Variants in ENTPD7 observed in about 807,000 individuals in gnomAD.
The protein encoded by ENTPD7 is ectonucleoside triphosphate diphosphohydrolase 7.
In ENTPD7, 53 loss-of-function variants were observed where a neutral mutation model predicts 77.9. The ratio of observed to expected loss-of-function variants is 0.68; its 90% CI spans 0.55 to 0.85. The LOEUF (loss-of-function observed/expected upper bound fraction) is 0.85, where lower values mean the gene tolerates loss of function less well. Ranked by LOEUF, ENTPD7 falls within the 40% of genes least tolerant of loss-of-function variation. ENTPD7 has a pLI of 0.00. For missense variants in ENTPD7, 636 were observed against 743.7 expected (o/e 0.86, Z 1.68); for synonymous variants, 248 against 274.9 (o/e 0.90, Z 0.97).
chr10:99,694,663 A>G (rs2035942304), intron 8 of ENTPD7, among the ~76,000 whole-genome samples: 1 of 151,244 alleles, frequency 6.6e-6, no homozygotes, highest in South Asian at 2.1e-4. Context: ...CAGCCTCCTG[A>G]GTAGCTGGGA....
At chr10:99,701,167 G>T (rs2036115052) in intron 11 of ENTPD7, 109 bp downstream of exon 11, 10 of 1,003,652 alleles carry the variant, frequency 1.0e-5, no homozygotes, top group Non-Finnish European at 1.5e-5. Context: ...GGGAGCATTT[G>T]ATTATTCCAG....
chr10:99,704,252 G>A (rs1419636812), intron 12 of ENTPD7, among the ~76,000 whole-genome samples, 200 bp from the exon 13 acceptor site: 1 of 152,144 alleles, frequency 6.6e-6, no homozygotes, highest in Non-Finnish European at 1.5e-5. Flanking sequence ...CCCTTCTGGG[G>A]GCCGTGGGAA....
At position 99,679,984 on chromosome 10, in the gene ENTPD7, T is replaced by A. The variant is rs114760624; in HGVS notation, c.548+109T>A. On this transcript the variant is annotated intron_variant, in intron 5 of 12. Coordinates refer to ENST00000370489, the MANE Select transcript of ENTPD7 (RefSeq NM_020354.5). ...CCTGGTCTATACCCCTAAACCCAATTATGACACAATCATTCATTCCCAACT... is the reference window on the plus strand; with the variant it reads ...CCTGGTCTATACCCCTAAACCCAATAATGACACAATCATTCATTCCCAACT... The A allele has an allele frequency of 7.9e-4, 1,020 of 1,284,294 alleles. 4 individuals carry two copies. The African/African-American group carries it at 0.012, about 15-fold the overall frequency. 79.6% of individuals were successfully genotyped at this position (1,284,294 alleles called of 1,614,324 possible). A position where few individuals can be genotyped will look rare whatever the true frequency, so the allele number is the denominator to read the frequency against.
At chr10:99,663,750 C>T (rs1046918951) in intron 3 of ENTPD7, among the ~76,000 whole-genome samples, 11 of 152,026 alleles carry the variant, frequency 7.2e-5, no homozygotes, top group East Asian at 1.9e-4. Flanking sequence ...CATGGGTCAC[C>T]GTGCCCTGCT....
At chr10:99,688,500 T>G (rs2035841147) in intron 6 of ENTPD7, among the ~76,000 whole-genome samples, 194 bp from the exon 7 acceptor site, 1 of 152,214 alleles carries the variant, frequency 6.6e-6, no homozygotes, top group Non-Finnish European at 1.5e-5. Context: ...TGAGGAAATT[T>G]AGAAGATGCA....
At position 99,709,257 on chromosome 10, in the gene ENTPD7, T is replaced by C. The variant is rs149131820; in HGVS notation, c.*4574T>C. On this transcript the variant is annotated 3_prime_UTR_variant, in exon 13 of 13. Coordinates refer to ENST00000370489, the MANE Select transcript of ENTPD7 (RefSeq NM_020354.5). ...TGTTACAGAAACAGAGGGCTGTTTC[T>C]TTTTGTTGTCTTTAAACTTTTCAAA... The C allele has an allele frequency of 4.1e-6, 4 of 985,410 alleles. No individual in the cohort carries two copies. In the East Asian group the frequency reaches 4.5e-4, roughly 112 times the overall value. 61.0% of individuals were successfully genotyped at this position (985,410 alleles called of 1,614,324 possible). A position where few individuals can be genotyped will look rare whatever the true frequency, so the allele number is the denominator to read the frequency against.
chr10:99,691,440 G>A lies in ENTPD7; in HGVS notation c.765G>A (p.Gly255=), dbSNP rs2035881622. 1.2e-6 allele frequency: 2 copies of A among 1,614,110 alleles called. No homozygotes were observed. The highest frequency in any genetic ancestry group is 8.5e-7 in the Non-Finnish European group (1 of 1,179,988). ...ELAAGRRRTV[G]ILDMGGASLQ... is the part of the protein sequence containing the mutation. ...CAGCAGGACGGAGAAGGACAGTAGG[G>A]ATACTGGATATGGGAGGAGCCTCTC... Residue 255 remains glycine, a synonymous_variant, in exon 8 of 13, where the codon GGG becomes GGA. Coordinates refer to ENST00000370489, the MANE Select transcript of ENTPD7 (RefSeq NM_020354.5).
Position 99,691,524 on chromosome 10 carries a change from T to C in ENTPD7, c.843+6T>C. ...CTGTCCTTCCTGCAAAGCAGGTACT[T>C]TACCTTTTAGGGAAATTTAGTTGCT... On this transcript the variant is annotated splice_donor_region_variant and intron_variant, in intron 8 of 12. Transcript: ENST00000370489. The C allele has an allele frequency of 6.2e-7, 1 of 1,612,694 alleles. No homozygotes were observed. Among genetic ancestry groups the C allele is most frequent in the Non-Finnish European group, 8.5e-7 (1 of 1,179,598 alleles).
chr10:99,668,569 A>G (rs1399204858), intron 3 of ENTPD7, among the ~76,000 whole-genome samples: 1 of 152,222 alleles, frequency 6.6e-6, no homozygotes, highest in African/African-American at 2.4e-5. Context: ...TAAGAAGAGT[A>G]GAGCATCTAG....
intron 3 of ENTPD7, among the ~76,000 whole-genome samples, chr10:99,668,884 G>A (rs1448431516): frequency 6.6e-6 from 1 of 151,992 alleles, no homozygotes; most frequent in Non-Finnish European, 1.5e-5. Flanking sequence ...AATTCACACA[G>A]TGAAATTATA....
intron 8 of ENTPD7, 145 bp from the exon 9 acceptor site, chr10:99,695,811 A>T: frequency 1.4e-6 from 1 of 707,878 alleles, no homozygotes; most frequent in Non-Finnish European, 2.2e-6. Context: ...GTCTTTGTTT[A>T]AAATAATGCT....
In ENTPD7 at chr10:99,685,842, T is replaced by A; in HGVS notation, c.599T>A (p.Phe200Tyr). 6.2e-7 allele frequency: 1 copy of A among 1,613,986 alleles called. No homozygotes were observed. Among genetic ancestry groups the A allele is most frequent in the African/African-American group, 1.3e-5 (1 of 74,976 alleles). ...CTAGTGAAAGATTTACCACTGGAGT[T>A]TGACTTCCTCTTTTCACAGTCTCAA... ...ADLVKDLPLEFDFLFSQSQAE... is the reference protein window; with the variant it reads ...ADLVKDLPLEYDFLFSQSQAE... Residue 200 changes from phenylalanine (F) to tyrosine (Y), a missense_variant, in exon 6 of 13, where the codon TTT (phenylalanine) becomes TAT (tyrosine). Coordinates refer to ENST00000370489, the MANE Select transcript of ENTPD7 (RefSeq NM_020354.5).
intron 9 of ENTPD7, among the ~76,000 whole-genome samples, chr10:99,697,077 C>G (rs1219022867): frequency 1.3e-5 from 2 of 152,200 alleles, no homozygotes; most frequent in African/African-American, 4.8e-5. Context: ...AATAATTTAT[C>G]CACAGCAATC....
intron 3 of ENTPD7, among the ~76,000 whole-genome samples, chr10:99,667,960 A>C (rs2035571797): frequency 8.3e-6 from 1 of 120,880 alleles, no homozygotes; most frequent in African/African-American, 3.2e-5. Flanking sequence ...TTTGAGACAG[A>C]GTCTCACTCT....
chr10:99,688,526 G>GA (rs1240555280), intron 6 of ENTPD7, among the ~76,000 whole-genome samples, 168 bp from the exon 7 acceptor site: 2 of 151,988 alleles, frequency 1.3e-5, no homozygotes, highest in South Asian at 2.1e-4. Context: ...TTTTAAAAGG[G>GA]AAAAAAATCA....
intron 5 of ENTPD7, among the ~76,000 whole-genome samples, chr10:99,684,734 A>G (rs2035792016): frequency 6.6e-6 from 1 of 152,162 alleles, no homozygotes; most frequent in Non-Finnish European, 1.5e-5. Context: ...CTAGATGCAT[A>G]TTATTACTTC....
chr10:99,710,404 A>G lies in ENTPD7; in HGVS notation c.*5721A>G, dbSNP rs979692276. The G allele has an allele frequency of 7.6e-5, 75 of 985,286 alleles. No homozygotes were observed. The highest frequency in any genetic ancestry group is 8.8e-5 in the Non-Finnish European group (73 of 829,932). 61.0% of individuals were successfully genotyped at this position (985,286 alleles called of 1,614,324 possible). A position where few individuals can be genotyped will look rare whatever the true frequency, so the allele number is the denominator to read the frequency against. ...TCCCCCTTTATTTCTACCTTGATCAATGGCCTCTGCGGAGTGTAGTGAAAG... is the reference window on the plus strand; with the variant it reads ...TCCCCCTTTATTTCTACCTTGATCAGTGGCCTCTGCGGAGTGTAGTGAAAG... On this transcript the variant is annotated 3_prime_UTR_variant, in exon 13 of 13. Coordinates refer to ENST00000370489, the MANE Select transcript of ENTPD7 (RefSeq NM_020354.5).
Position 99,705,840 on chromosome 10 carries a change from C to T in ENTPD7, c.*1157C>T, listed in dbSNP as rs2036239769. 1 of 152,220 alleles carries T rather than the reference C, an allele frequency of 6.6e-6. No individual in the cohort carries two copies. The highest frequency in any genetic ancestry group is 6.5e-5 in the Admixed American group (1 of 15,290). The allele number at this position is 152,220 out of a possible 1,614,324, so 9.4% of individuals were successfully genotyped here. ...GACTGCTGAGTCACAAACAGCACTT[C>T]CATTAATGAAGCGAGAGGAAAAGCC... On this transcript the variant is annotated 3_prime_UTR_variant, in exon 13 of 13. Transcript: ENST00000370489.
chr10:99,694,288 A>G (rs940383148), intron 8 of ENTPD7, among the ~76,000 whole-genome samples: 3 of 152,190 alleles, frequency 2.0e-5, no homozygotes, highest in African/African-American at 7.2e-5. Context: ...AAATCATACA[A>G]TATGTGGTGT....
Sources: gnomAD v4.1 joint callset for allele counts (sites outside exome capture counted in the v4.1 genomes callset) on GRCh38, gnomAD v4.1.1 for gene constraint, MANE v1.5 for transcripts, NCBI Gene and HGNC (gene_info 2026-07-23, HGNC 2026-07-21) for gene names.